The following FAM117B variants were observed in gnomAD, a reference collection of about 807,000 sequenced individuals.
FAM117B encodes the protein protein FAM117B.
FAM117B carries 22 observed loss-of-function variants against 52.8 expected under a neutral mutation model. The ratio of observed to expected loss-of-function variants is 0.42; its 90% CI spans 0.30 to 0.59. The LOEUF is 0.59. Ranked by LOEUF, FAM117B falls within the 20% of genes least tolerant of loss-of-function variation. The pLI, the probability that FAM117B is intolerant of heterozygous loss-of-function variation, is 0.22. For synonymous variants in FAM117B, 309 were observed against 324.1 expected (o/e 0.95, Z 0.50); for missense variants, 678 against 802.6 (o/e 0.84, Z 1.88).
intron 1 of FAM117B, among the ~76,000 whole-genome samples, chr2:202,691,437 A>G (rs1295094534): frequency 6.6e-6 from 1 of 152,080 alleles, no homozygotes; most frequent in African/African-American, 2.4e-5. Context: ...AGAAATAATA[A>G]TAATCCAATA....
chr2:202,637,964 C>T (rs993088157), intron 1 of FAM117B, among the ~76,000 whole-genome samples: 5 of 151,104 alleles, frequency 3.3e-5, no homozygotes, highest in Non-Finnish European at 7.4e-5. Context: ...GCAACCTCTG[C>T]CTCCCGGGTT....
intron 1 of FAM117B, among the ~76,000 whole-genome samples, chr2:202,663,582 T>TA (rs1373240814): frequency 1.3e-5 from 2 of 149,948 alleles, no homozygotes; most frequent in African/African-American, 4.9e-5. Flanking sequence ...CATTAAGCCT[T>TA]TTTTTTTTTT....
intron 4 of FAM117B, among the ~76,000 whole-genome samples, chr2:202,737,302 T>C (rs1691454783): frequency 6.6e-6 from 1 of 152,228 alleles, no homozygotes. Flanking sequence ...TTTTTTTCAA[T>C]TATTGTATAA....
At chr2:202,747,899 C>T (rs1159750154) in intron 4 of FAM117B, among the ~76,000 whole-genome samples, 2 of 151,994 alleles carry the variant, frequency 1.3e-5, no homozygotes, top group Non-Finnish European at 2.9e-5. Flanking sequence ...AGATTGATTG[C>T]AATTAAAATA....
chr2:202,683,907 C>T (rs1690499342), intron 1 of FAM117B, among the ~76,000 whole-genome samples: 1 of 151,800 alleles, frequency 6.6e-6, no homozygotes, highest in African/African-American at 2.4e-5. Context: ...TGCTCTGTCA[C>T]CCAGGCTGGA....
intron 2 of FAM117B, among the ~76,000 whole-genome samples, chr2:202,697,866 A>T (rs749874737): frequency 4.7e-5 from 7 of 150,366 alleles, no homozygotes; most frequent in Non-Finnish European, 8.9e-5. Context: ...AATGTTTTTT[A>T]TTTTTATTTT....
At chr2:202,673,873 C>T (rs1690339106) in intron 1 of FAM117B, among the ~76,000 whole-genome samples, 1 of 152,178 alleles carries the variant, frequency 6.6e-6, no homozygotes, top group Non-Finnish European at 1.5e-5. Flanking sequence ...TGCCTGATGA[C>T]TTTATTGAAA....
chr2:202,741,123 A>T (rs558651302), intron 4 of FAM117B, among the ~76,000 whole-genome samples: 7 of 152,252 alleles, frequency 4.6e-5, no homozygotes, highest in Admixed American at 1.3e-4. Flanking sequence ...AGTTAGAGCC[A>T]TTAGAATTGG....
intron 1 of FAM117B, among the ~76,000 whole-genome samples, chr2:202,648,564 T>C (rs1048986743): frequency 2.3e-5 from 3 of 132,568 alleles, no homozygotes; most frequent in African/African-American, 8.3e-5. Context: ...TGTATGTATG[T>C]GTGTGTGTGT....
At chr2:202,695,417 G>A (rs1559104059) in intron 1 of FAM117B, among the ~76,000 whole-genome samples, 1 of 152,100 alleles carries the variant, frequency 6.6e-6, no homozygotes, top group Non-Finnish European at 1.5e-5. Flanking sequence ...CACCAGGAAC[G>A]TGAATCATTC....
intron 1 of FAM117B, among the ~76,000 whole-genome samples, chr2:202,683,703 C>T (rs1690496220): frequency 1.3e-5 from 2 of 152,022 alleles, no homozygotes; most frequent in Non-Finnish European, 2.9e-5. Context: ...GACCAGATGG[C>T]ATCAGTCGTG....
chr2:202,716,688 C>G (rs1691061247), intron 2 of FAM117B, among the ~76,000 whole-genome samples: 1 of 152,028 alleles, frequency 6.6e-6, no homozygotes, highest in African/African-American at 2.4e-5. Flanking sequence ...GGTAGGCATG[C>G]TTTATTGTTT....
intron 2 of FAM117B, among the ~76,000 whole-genome samples, chr2:202,698,743 A>G (rs1165748559): frequency 6.6e-6 from 1 of 152,138 alleles, no homozygotes; most frequent in African/African-American, 2.4e-5. Context: ...TTTTTTAACC[A>G]AAGAGTTCTG....
Position 202,682,890 on chromosome 2 carries a change from G to T in FAM117B, c.602-12991G>T, listed in dbSNP as rs538963404. On this transcript the variant is annotated intron_variant, in intron 1 of 7. Coordinates refer to ENST00000392238, the MANE Select transcript of FAM117B (RefSeq NM_173511.4). ...TTGTGGCATACAGTTAAAACGTGTA[G>T]AAGAAAATGTTTATAAATGATTATA... Among the ~76,000 whole-genome samples the T allele has an allele frequency of 2.6e-5, 4 of 152,242 alleles. No homozygotes were observed. The South Asian group carries it at 8.3e-4, about 32-fold the overall frequency.
chr2:202,655,924 C>G (rs1690050087), intron 1 of FAM117B, among the ~76,000 whole-genome samples: 1 of 152,054 alleles, frequency 6.6e-6, no homozygotes, highest in African/African-American at 2.4e-5. Context: ...ACTATAAATT[C>G]AGCTTATTTA....
Position 202,635,529 on chromosome 2 carries a change from C to T in FAM117B, c.342C>T (p.Gly114=), listed in dbSNP as rs994481237. ...RTSPTVATQT[G]ASATSTRGTS... The stretch of plus-strand genomic sequence containing the variant: ...GCCCCACGGTGGCCACGCAGACGGG[C>T]GCGTCCGCGACGTCCACGCGAGGCA... Residue 114 remains glycine, a synonymous_variant, in exon 1 of 8, where the codon GGC becomes GGT. Transcript: ENST00000392238. 1 of 1,142,522 alleles carries T rather than the reference C, an allele frequency of 8.8e-7. No homozygotes were observed. The highest frequency in any genetic ancestry group is 1.1e-6 in the Non-Finnish European group (1 of 933,262). 70.8% of individuals were successfully genotyped at this position (1,142,522 alleles called of 1,614,324 possible).
chr2:202,669,997 G>C (rs572465981), intron 1 of FAM117B, among the ~76,000 whole-genome samples: 1 of 152,146 alleles, frequency 6.6e-6, no homozygotes, highest in Non-Finnish European at 1.5e-5. Context: ...ATTTGGGTCT[G>C]TTTGTTAGCT....
intron 2 of FAM117B, among the ~76,000 whole-genome samples, chr2:202,706,415 A>G (rs1297264972): frequency 2.0e-5 from 3 of 152,214 alleles, no homozygotes; most frequent in Non-Finnish European, 4.4e-5. Context: ...TACAATTTAT[A>G]GGTTGGCATT....
chr2:202,692,600 C>T (rs1439837046), intron 1 of FAM117B, among the ~76,000 whole-genome samples: 1 of 152,178 alleles, frequency 6.6e-6, no homozygotes, highest in African/African-American at 2.4e-5. Context: ...GATAACATTT[C>T]ACTTAATTCT....
Sources: gnomAD v4.1 joint callset for allele counts (sites outside exome capture counted in the v4.1 genomes callset) on GRCh38, gnomAD v4.1.1 for gene constraint, MANE v1.5 for transcripts, NCBI Gene and HGNC (gene_info 2026-07-23, HGNC 2026-07-21) for gene names.